The following PSAP variants were observed in gnomAD, a reference collection of about 807,000 sequenced individuals.
PSAP encodes prosaposin.
PSAP carries 25 observed loss-of-function variants against 66.0 expected under a neutral mutation model. The observed-to-expected ratio is 0.38, with a 90% CI of 0.28 to 0.53. The LOEUF is 0.53. Among genes scored for constraint, PSAP ranks in the 20% least tolerant of loss-of-function variants. PSAP has a pLI of 0.83. For missense variants in PSAP, 649 were observed against 668.8 expected, an observed-to-expected ratio of 0.97 and a Z score of 0.33; for synonymous variants, 273 against 258.9, an observed-to-expected ratio of 1.05 and a Z score of -0.52.
intron 3 of PSAP, among the ~76,000 whole-genome samples, chr10:71,831,509 T>C (rs930151474): frequency 1.3e-5 from 2 of 152,156 alleles, no homozygotes; most frequent in African/African-American, 2.4e-5. Context: ...ATGGCCAAAA[T>C]GGACCTAGGT....
At chr10:71,823,967 AT>A in intron 7 of PSAP, 1 of 1,173,994 alleles carries the variant, frequency 8.5e-7, no homozygotes, top group Non-Finnish European at 1.1e-6. Flanking sequence ...GTTAAGAAAA[AT>A]TAAAACAACA....
In PSAP at chr10:71,819,722, G is replaced by A. The variant is rs1564815279; in HGVS notation, c.1184C>T (p.Ala395Val). 6.2e-7 allele frequency: 1 copy of A among 1,614,090 alleles called. No individual in the cohort carries two copies. Among genetic ancestry groups the A allele is most frequent in the Non-Finnish European group, 8.5e-7 (1 of 1,180,030 alleles). Residue 395 changes from alanine (A) to valine (V), a missense_variant, in exon 10 of 14, where the codon GCA (alanine) becomes GTA (valine). Ala to Val is a moderately conservative substitution (Grantham distance 64). Transcript: ENST00000394936. ...LHLCSGTRLP[A>V]LTVHVTQPKD... Reference sequence around the variant, plus strand: ...CCACACCCAGCGCTCACCGGTCAGTGCAGGCAGCCGCGTGCCAGAGCAGAG... The same window carrying A: ...CCACACCCAGCGCTCACCGGTCAGTACAGGCAGCCGCGTGCCAGAGCAGAG...
intron 1 of PSAP, among the ~76,000 whole-genome samples, chr10:71,850,202 G>A (rs1451053294): frequency 6.6e-6 from 1 of 152,144 alleles, no homozygotes; most frequent in Non-Finnish European, 1.5e-5. Flanking sequence ...TCCAGATCCA[G>A]GAGATAATCA....
intron 1 of PSAP, among the ~76,000 whole-genome samples, chr10:71,850,804 G>C (rs915203001): frequency 1.3e-5 from 2 of 152,234 alleles, no homozygotes; most frequent in African/African-American, 2.4e-5. Flanking sequence ...AGCCCACCTC[G>C]ATCACGTGCG....
At chr10:71,831,387 G>C in intron 3 of PSAP, 136 bp from the exon 4 acceptor site, 2 of 1,146,074 alleles carry the variant, frequency 1.7e-6, no homozygotes, top group Non-Finnish European at 2.5e-6. Flanking sequence ...AAAAGGACTT[G>C]GCCATGTTAC....
intron 2 of PSAP, among the ~76,000 whole-genome samples, chr10:71,833,924 A>G (rs1447020301): frequency 2.0e-5 from 3 of 152,244 alleles, no homozygotes. Context: ...AAAATATGAA[A>G]CAGGCAGAAA....
chr10:71,842,799 A>G (rs1842752078), intron 1 of PSAP, among the ~76,000 whole-genome samples: 1 of 152,238 alleles, frequency 6.6e-6, no homozygotes, highest in Non-Finnish European at 1.5e-5. Flanking sequence ...ATTTGCGCCC[A>G]AAGTCACTCT....
chr10:71,821,610 A>C (rs116518834), intron 8 of PSAP, among the ~76,000 whole-genome samples: 1 of 152,320 alleles, frequency 6.6e-6, no homozygotes, highest in African/African-American at 2.4e-5. Context: ...GTCACCTTTG[A>C]ATGGCATGCT....
intron 4 of PSAP, among the ~76,000 whole-genome samples, chr10:71,829,951 C>T (rs996638530): frequency 3.9e-5 from 6 of 151,960 alleles, no homozygotes; most frequent in African/African-American, 1.2e-4. Context: ...CAGTCAAGAT[C>T]GCGCCATTGC....
In PSAP at chr10:71,820,329, C is replaced by T. The variant is rs1431665170; in HGVS notation, c.916G>A (p.Glu306Lys). 8.7e-6 allele frequency: 14 copies of T among 1,613,740 alleles called. No homozygotes were observed. Among genetic ancestry groups the T allele is most frequent in the Non-Finnish European group, 1.2e-5 (14 of 1,179,752 alleles). Residue 306 changes from glutamate to lysine, a missense_variant, in exon 9 of 14, where the codon GAG becomes AAG. Transcript: ENST00000394936. ...TAAACATCAGACTTTGCTGGGACCTCGTGCTTCTGTGGAAAGAGTAGAAGG... is the reference window on the plus strand; with the variant it reads ...TAAACATCAGACTTTGCTGGGACCTTGTGCTTCTGTGGAAAGAGTAGAAGG... Reference protein sequence around the residue: ...LELVEPIKKHEVPAKSDVYCE... With the variant: ...LELVEPIKKHKVPAKSDVYCE...
At chr10:71,847,102 CT>C (rs1842837752) in intron 1 of PSAP, among the ~76,000 whole-genome samples, 1 of 152,174 alleles carries the variant, frequency 6.6e-6, no homozygotes, top group Non-Finnish European at 1.5e-5. Context: ...TTTCCCTCAT[CT>C]ACAAAATGCC....
chr10:71,822,113 T>C (rs1842312712), intron 7 of PSAP, 106 bp from the exon 8 acceptor site: 1 of 1,510,974 alleles, frequency 6.6e-7, no homozygotes, highest in Non-Finnish European at 9.1e-7. Context: ...TGGGCCCAGG[T>C]CAAGGCTACC....
chr10:71,823,756 AGAG>A (rs1369817517), intron 7 of PSAP: 47 of 612,498 alleles, frequency 7.7e-5, no homozygotes, highest in Non-Finnish European at 1.2e-4. Flanking sequence ...CTATTAACAG[AGAG>A]GGAGCCTGCC....
At chr10:71,838,693 T>G (rs1233555591) in intron 1 of PSAP, among the ~76,000 whole-genome samples, 5 of 151,798 alleles carry the variant, frequency 3.3e-5, no homozygotes, top group African/African-American at 1.2e-4. Flanking sequence ...GAGGCGGAGG[T>G]TGCACTCCAG....
intron 1 of PSAP, among the ~76,000 whole-genome samples, chr10:71,843,179 G>A (rs1039526113): frequency 6.6e-6 from 1 of 152,140 alleles, no homozygotes; most frequent in African/African-American, 2.4e-5. Context: ...AATGCACAGA[G>A]AGGAAGCCCC....
At chr10:71,818,081 A>T (rs534564560) in intron 13 of PSAP, among the ~76,000 whole-genome samples, 2 of 152,356 alleles carry the variant, frequency 1.3e-5, no homozygotes, top group Admixed American at 1.3e-4. Context: ...ATTAAGTAAC[A>T]GGGACCGAAC....
At chr10:71,834,654 G>A in intron 1 of PSAP, 149 bp from the exon 2 acceptor site, 3 of 1,005,906 alleles carry the variant, frequency 3.0e-6, no homozygotes, top group Non-Finnish European at 4.5e-6. Context: ...CAGCCACACA[G>A]ATACACGCCT....
rs932909129 is a variant in PSAP at position 71,819,445 on chromosome 10, C to G, written c.1350+20G>C. ...CAGGTTCTGCCATGCTGGCCTACCGCAGCCCAGCCCGGGGCGTACCTGCTT... is the reference window on the plus strand; with the variant it reads ...CAGGTTCTGCCATGCTGGCCTACCGGAGCCCAGCCCGGGGCGTACCTGCTT... On this transcript the variant is annotated intron_variant, in intron 11 of 13. Coordinates refer to ENST00000394936, the MANE Select transcript of PSAP (RefSeq NM_002778.4). 1 of 1,613,564 alleles carries G rather than the reference C, an allele frequency of 6.2e-7. No individual in the cohort carries two copies. The highest frequency in any genetic ancestry group is 1.3e-5 in the African/African-American group (1 of 74,954).
chr10:71,817,289 G>T lies in PSAP; in HGVS notation c.*152C>A. 1 of 865,206 alleles carries T rather than the reference G, an allele frequency of 1.2e-6. No individual in the cohort carries two copies. Among genetic ancestry groups the T allele is most frequent in the Non-Finnish European group, 2.0e-6 (1 of 508,456 alleles). The allele number at this position is 865,206 out of a possible 1,614,324, so 53.6% of individuals were successfully genotyped here. ...GGGGCTAGGGGCTCCCTTGCAGACA[G>T]CAATGCTACAATAAAGGACACAGAA... is the stretch of plus-strand genomic sequence containing the variant. On this transcript the variant is annotated 3_prime_UTR_variant, in exon 14 of 14. Coordinates refer to ENST00000394936, the MANE Select transcript of PSAP (RefSeq NM_002778.4).
Sources: gnomAD v4.1 joint callset for allele counts (sites outside exome capture counted in the v4.1 genomes callset) on GRCh38, gnomAD v4.1.1 for gene constraint, MANE v1.5 for transcripts, NCBI Gene and HGNC (gene_info 2026-07-23, HGNC 2026-07-21) for gene names.